SH2B3: variants seen among roughly 807,000 people sequenced by gnomAD.
The protein encoded by SH2B3 is SH2B adapter protein 3.
SH2B3 carries 43 observed loss-of-function variants against 51.9 expected under a neutral mutation model. The observed-to-expected ratio is 0.83, with a 90% CI of 0.65 to 1.07. The LOEUF (loss-of-function observed/expected upper bound fraction) is 1.07. Ranked by LOEUF, SH2B3 falls within the 50% of genes least tolerant of loss-of-function variation. The pLI, the probability that SH2B3 is intolerant of heterozygous loss-of-function variation, is 0.00. For synonymous variants in SH2B3, 396 were observed against 376.0 expected, an observed-to-expected ratio of 1.05 and a Z score of -0.62; for missense variants, 952 against 834.3, an observed-to-expected ratio of 1.14 and a Z score of -1.74.
intron 2 of SH2B3, 115 bp from the exon 3 acceptor site, chr12:111,446,635 ACAC>A: frequency 1.6e-6 from 1 of 612,844 alleles, no homozygotes; most frequent in Admixed American, 3.1e-5. Context: ...CTGCCCAGCA[ACAC>A]CATGGATACT....
chr12:111,437,355 T>G (rs999473333), intron 2 of SH2B3, among the ~76,000 whole-genome samples: 2 of 152,144 alleles, frequency 1.3e-5, no homozygotes, highest in Non-Finnish European at 2.9e-5. Flanking sequence ...TTCTGGAAGC[T>G]TCTCCCTTCT....
chr12:111,436,174 T>A (rs1388305950), intron 2 of SH2B3, among the ~76,000 whole-genome samples: 1 of 152,102 alleles, frequency 6.6e-6, no homozygotes, highest in African/African-American at 2.4e-5. Flanking sequence ...AGCCCAGCGG[T>A]TTGGCCAGAA....
chr12:111,410,171 G>C lies in SH2B3; in HGVS notation c.-28+3894G>C, dbSNP rs912059498. On this transcript the variant is annotated intron_variant, in intron 1 of 7. Coordinates refer to ENST00000341259, the MANE Select transcript of SH2B3 (RefSeq NM_005475.3). This position sits in a 1 kb window ranked among gnomAD's most constrained non-coding sequence, Gnocchi z 4.9. Reference sequence around the variant, plus strand: ...GCTGACTCACAGGCGCCCAATGGGGGGCCCCAGCTGGGAGACTGGGAATGT... The same window carrying C: ...GCTGACTCACAGGCGCCCAATGGGGCGCCCCAGCTGGGAGACTGGGAATGT... 6.6e-6 allele frequency among the ~76,000 whole-genome samples: 1 copy of C among 152,218 alleles called. No individual in the cohort carries two copies. Among genetic ancestry groups the C allele is most frequent in the Non-Finnish European group, 1.5e-5 (1 of 68,018 alleles).
At chr12:111,432,114 G>A (rs906223368) in intron 2 of SH2B3, among the ~76,000 whole-genome samples, 7 of 140,486 alleles carry the variant, frequency 5.0e-5, no homozygotes, top group Admixed American at 4.2e-4. Flanking sequence ...ACATTTTTCT[G>A]TATTCTTTTT....
At chr12:111,420,145 G>A (rs1871418100) in intron 2 of SH2B3, among the ~76,000 whole-genome samples, 2 of 152,008 alleles carry the variant, frequency 1.3e-5, no homozygotes, top group South Asian at 4.1e-4. Context: ...CACCTCCTGT[G>A]CCTTGGTGAT....
chr12:111,447,856 G>A lies in SH2B3; in HGVS notation c.1408+29G>A, dbSNP rs767536382. On this transcript the variant is annotated intron_variant, in intron 7 of 7. Transcript: ENST00000341259. Reference sequence around the variant, plus strand: ...TGACCCTACTGCCCTTTGCTGAAGGGGGTGGCTGACACTGGGTAGAGGGTA... The same window carrying A: ...TGACCCTACTGCCCTTTGCTGAAGGAGGTGGCTGACACTGGGTAGAGGGTA... 4.4e-5 allele frequency: 70 copies of A among 1,606,062 alleles called. 2 individuals carry two copies. In the East Asian group the frequency reaches 9.8e-4, roughly 23 times the overall value.
Position 111,446,930 on chromosome 12 carries a change from C to T in SH2B3, c.835-12C>T, listed in dbSNP as rs781646425. ...ACAGCAGACCCAACCCTGTTCCCTT[C>T]CTCCCTGCCAGGTGAAGGACCGGAC... On this transcript the variant is annotated splice_polypyrimidine_tract_variant and intron_variant, in intron 3 of 7. Coordinates refer to ENST00000341259, the MANE Select transcript of SH2B3 (RefSeq NM_005475.3). The T allele has an allele frequency of 1.1e-5, 17 of 1,612,858 alleles. No homozygotes were observed. The highest frequency in any genetic ancestry group is 1.4e-5 in the Non-Finnish European group (17 of 1,178,956).
rs1257376908 is a variant in SH2B3, at chr12:111,429,586, G to A, written c.732+10709G>A. On this transcript the variant is annotated intron_variant, in intron 2 of 7. Transcript: ENST00000341259. The surrounding 1 kb of genome is among the most constrained non-coding windows in gnomAD (Gnocchi z 4.4). ...TGACCTCAGGCTGTCCATCTGCCTC[G>A]GCCTCCCAAAGTGCTAGGATTACAG... Among the ~76,000 whole-genome samples the A allele has an allele frequency of 1.3e-5, 2 of 152,106 alleles. No homozygotes were observed. The highest frequency in any genetic ancestry group is 2.4e-5 in the African/African-American group (1 of 41,424).
Position 111,450,826 on chromosome 12 carries a change from A to AGG in SH2B3, c.*2527_*2528dup, listed in dbSNP as rs1333897101. 6.6e-6 allele frequency: 1 copy of AGG among 152,270 alleles called. No homozygotes were observed. Among genetic ancestry groups the AGG allele is most frequent in the Non-Finnish European group, 1.5e-5 (1 of 68,092 alleles). 9.4% of individuals were successfully genotyped at this position (152,270 alleles called of 1,614,324 possible). ...ATGTGGGAGCAGAATCAGCTGATGA[A>AGG]GGGGTGGGCAGCAGTGTGGGGCAGG... On this transcript the variant is annotated 3_prime_UTR_variant, in exon 8 of 8. Transcript: ENST00000341259.
rs1593078619 is a variant in SH2B3 at position 111,447,646 on chromosome 12, C to T, written c.1237-10C>T. 6.2e-7 allele frequency: 1 copy of T among 1,609,162 alleles called. No homozygotes were observed. Among genetic ancestry groups the T allele is most frequent in the African/African-American group, 1.3e-5 (1 of 74,980 alleles). The stretch of plus-strand genomic sequence containing the variant: ...GGACAGCCCGAGCCCACCATCCTCT[C>T]CTCCCACAGCACCTGCGCCTGTCGC... On this transcript the variant is annotated splice_polypyrimidine_tract_variant and intron_variant, in intron 6 of 7. Transcript: ENST00000341259.
chr12:111,411,758 G>T (rs1301638734), intron 1 of SH2B3, among the ~76,000 whole-genome samples: 1 of 152,142 alleles, frequency 6.6e-6, no homozygotes, highest in Non-Finnish European at 1.5e-5. Context: ...GCTGGTGGGC[G>T]TGCAGCTAGC....
rs1874578044 is a variant in SH2B3 at position 111,451,421 on chromosome 12, G to A, written c.*3119G>A. 6.6e-6 allele frequency: 1 copy of A among 152,580 alleles called. No homozygotes were observed. Among genetic ancestry groups the A allele is most frequent in the Admixed American group, 6.6e-5 (1 of 15,250 alleles). 9.5% of individuals were successfully genotyped at this position (152,580 alleles called of 1,614,324 possible). On this transcript the variant is annotated 3_prime_UTR_variant, in exon 8 of 8. Coordinates refer to ENST00000341259, the MANE Select transcript of SH2B3 (RefSeq NM_005475.3). ...CGAGTATATTAACAAGGACACATCTGACATCCTGTGTTTGGTTAGAATATA... is the reference window on the plus strand; with the variant it reads ...CGAGTATATTAACAAGGACACATCTAACATCCTGTGTTTGGTTAGAATATA...
Position 111,435,029 on chromosome 12 carries a change from C to T in SH2B3, c.733-11724C>T, listed in dbSNP as rs1872746343. On this transcript the variant is annotated intron_variant, in intron 2 of 7. Coordinates refer to ENST00000341259, the MANE Select transcript of SH2B3 (RefSeq NM_005475.3). The surrounding 1 kb of genome is among the most constrained non-coding windows in gnomAD (Gnocchi z 4.8). ...CTTCTGAATCATCGTTCTTCGAAGGCAGGCAGTAGCTACCGTTGTCTGGGG... is the reference window on the plus strand; with the variant it reads ...CTTCTGAATCATCGTTCTTCGAAGGTAGGCAGTAGCTACCGTTGTCTGGGG... The T allele has an allele frequency of 6.5e-7, 1 of 1,533,478 alleles. No homozygotes were observed. The highest frequency in any genetic ancestry group is 1.4e-5 in the African/African-American group (1 of 73,128). 95.0% of individuals were successfully genotyped at this position (1,533,478 alleles called of 1,614,324 possible). A position where few individuals can be genotyped will look rare whatever the true frequency, so the allele number is the denominator to read the frequency against.
chr12:111,445,260 G>A (rs1806722484), intron 2 of SH2B3, among the ~76,000 whole-genome samples: 1 of 152,168 alleles, frequency 6.6e-6, no homozygotes, highest in African/African-American at 2.4e-5. Context: ...GGGAAGGGTG[G>A]GGGCCAGGCA....
chr12:111,412,186 T>C (rs935934298), intron 1 of SH2B3, among the ~76,000 whole-genome samples: 2 of 152,194 alleles, frequency 1.3e-5, no homozygotes, highest in African/African-American at 2.4e-5. Flanking sequence ...AATTGCTTTT[T>C]CTCTGAGCCT....
rs1376793228 is a variant in SH2B3 at position 111,407,991 on chromosome 12, G to T, written c.-28+1714G>T. ...ATGAGCCAGTGTGTAATGAGCACCT[G>T]CTGCCTGGCAAAGAGAGGTTCAGTT... On this transcript the variant is annotated intron_variant, in intron 1 of 7. Coordinates refer to ENST00000341259, the MANE Select transcript of SH2B3 (RefSeq NM_005475.3). This position sits in a 1 kb window ranked among gnomAD's most constrained non-coding sequence, Gnocchi z 4.3. Among the ~76,000 whole-genome samples, 2 of 152,232 alleles carry T rather than the reference G, an allele frequency of 1.3e-5. No individual in the cohort carries two copies. The highest frequency in any genetic ancestry group is 2.9e-5 in the Non-Finnish European group (2 of 68,038).
chr12:111,405,242 C>T (rs1229817103), upstream of SH2B3, among the ~76,000 whole-genome samples: 2 of 152,202 alleles, frequency 1.3e-5, no homozygotes, highest in Non-Finnish European at 2.9e-5. This position sits in a 1 kb window ranked among gnomAD's most constrained non-coding sequence, Gnocchi z 5.4. Context: ...GGACGGGCGG[C>T]CGGAGCGAGG....
chr12:111,423,562 G>A (rs1871734287), intron 2 of SH2B3, among the ~76,000 whole-genome samples: 1 of 152,078 alleles, frequency 6.6e-6, no homozygotes, highest in African/African-American at 2.4e-5. Context: ...AGTAGAGATG[G>A]GGTTTCACCG....
intron 2 of SH2B3, among the ~76,000 whole-genome samples, chr12:111,430,036 C>G (rs1261636726): frequency 1.3e-5 from 2 of 152,194 alleles, no homozygotes; most frequent in African/African-American, 2.4e-5. Context: ...CCTGGGCCCA[C>G]GTCTCCTGGG....
Sources: allele counts gnomAD v4.1 joint callset (sites outside exome capture counted in the v4.1 genomes callset), GRCh38; gene constraint gnomAD v4.1.1; non-coding constraint Gnocchi (gnomAD v3.1); transcripts MANE v1.5; gene names NCBI Gene and HGNC (gene_info 2026-07-23, HGNC 2026-07-21).